Variants in FOXM1 observed in about 807,000 individuals in gnomAD.
The protein encoded by FOXM1 is forkhead box protein M1.
Under a neutral mutation model 63.6 loss-of-function variants are expected in FOXM1, and 25 were observed. The observed-to-expected ratio is 0.39, with a 90% CI of 0.29 to 0.55. FOXM1 has a LOEUF of 0.55. FOXM1 is among the 20% of genes least tolerant of loss of function. The probability of loss-of-function intolerance (pLI) is 0.60; values close to 1 mark genes in which losing one functional copy is unlikely to be tolerated. For synonymous variants in FOXM1, 387 were observed against 376.9 expected, an observed-to-expected ratio of 1.03 and a Z score of -0.31; for missense variants, 879 against 958.7, an observed-to-expected ratio of 0.92 and a Z score of 1.10.
rs571905976 is a variant in FOXM1, at chr12:2,872,198, G to A, written c.552C>T (p.Ile184=). ...GCTINNSLSN[I]QWLRKMSSDG... ...CAGAACTCATCTTTCGAAGCCACTGGATGTTGGATAGGCTATTGTTGATAG... is the reference window on the plus strand; with the variant it reads ...CAGAACTCATCTTTCGAAGCCACTGAATGTTGGATAGGCTATTGTTGATAG... The change falls in exon 3 of 9, where the codon ATC becomes ATT. Residue 184 remains isoleucine, a synonymous_variant. Transcript: ENST00000359843. The surrounding 1 kb of genome is among the most constrained non-coding windows in gnomAD (Gnocchi z 4.0). 1.2e-6 allele frequency: 2 copies of A among 1,614,158 alleles called. No homozygotes were observed. The highest frequency in any genetic ancestry group is 2.2e-5 in the South Asian group (2 of 91,078).
Position 2,858,443 on chromosome 12 carries a change from T to A in FOXM1, c.*195A>T. 1.8e-6 allele frequency: 1 copy of A among 560,770 alleles called. No individual in the cohort carries two copies. Among genetic ancestry groups the A allele is most frequent in the South Asian group, 2.5e-5 (1 of 39,278 alleles). The allele number at this position is 560,770 out of a possible 1,614,324, so 34.7% of individuals were successfully genotyped here. On this transcript the variant is annotated 3_prime_UTR_variant, in exon 9 of 9. Coordinates refer to ENST00000359843, the MANE Select transcript of FOXM1 (RefSeq NM_021953.4). ...GCTCCTGGCAGGGACAGCAGAGGAA[T>A]CAGATACTCTTGGGGAACACAAGGT...
intron 8 of FOXM1, among the ~76,000 whole-genome samples, chr12:2,862,699 TAAA>T (rs752051408): frequency 6.9e-6 from 1 of 144,252 alleles, no homozygotes. Context: ...CCTGGCTAAT[TAAA>T]AAAAAATTTT....
intron 8 of FOXM1, among the ~76,000 whole-genome samples, chr12:2,860,503 G>T (rs373700183): frequency 6.6e-6 from 1 of 152,002 alleles, no homozygotes; most frequent in East Asian, 1.9e-4. Flanking sequence ...GAAAAGAAAG[G>T]AAAGTAAAGA....
chr12:2,869,736 G>A (rs950735317), intron 3 of FOXM1, among the ~76,000 whole-genome samples: 3 of 141,890 alleles, frequency 2.1e-5, no homozygotes, highest in Non-Finnish European at 4.5e-5. Context: ...TGCGCCTGGC[G>A]ATTTTTTTTT....
Position 2,864,827 on chromosome 12 carries a change from C to T in FOXM1, c.1021-75G>A, listed in dbSNP as rs139551994. The T allele has an allele frequency of 9.3e-6, 14 of 1,497,818 alleles. No homozygotes were observed. The African/African-American group carries it at 1.5e-4, about 16-fold the overall frequency. 92.8% of individuals were successfully genotyped at this position (1,497,818 alleles called of 1,614,324 possible). On this transcript the variant is annotated intron_variant, in intron 6 of 8. Coordinates refer to ENST00000359843, the MANE Select transcript of FOXM1 (RefSeq NM_021953.4). The surrounding 1 kb of genome is among the most constrained non-coding windows in gnomAD (Gnocchi z 5.1). The stretch of plus-strand genomic sequence containing the variant: ...GTAAAGAGGGGATGGCAAAACCCCA[C>T]CAGCTGCTCTGGTGGTGTGTGCTTG...
At position 2,874,093 on chromosome 12, in the gene FOXM1, T is replaced by C; in HGVS notation, c.386A>G (p.Tyr129Cys). The C allele has an allele frequency of 2.5e-6, 4 of 1,614,220 alleles. No individual in the cohort carries two copies. Among genetic ancestry groups the C allele is most frequent in the South Asian group, 2.2e-5 (2 of 91,086 alleles). The change falls in exon 2 of 9, where the codon TAT (tyrosine) becomes TGT (cysteine). Residue 129 changes from tyrosine (Y) to cysteine (C), a missense_variant. Tyr to Cys is a radical substitution (Grantham distance 194). Around this residue, in one of 4 missense-constraint regions of FOXM1, gnomAD observed 255 missense variants for 292.4 expected, o/e 0.87. Transcript: ENST00000359843. The surrounding 1 kb of genome is among the most constrained non-coding windows in gnomAD (Gnocchi z 4.3). ...PGLRPQTQTS[Y>C]DAKRTEVTLE... is the part of the protein sequence containing the mutation. ...GGTCACTTCTGTCCTTTTGGCATCATAGCTGGTTTGGGTTTGAGGCCGGAG... is the reference window on the plus strand; with the variant it reads ...GGTCACTTCTGTCCTTTTGGCATCACAGCTGGTTTGGGTTTGAGGCCGGAG...
Position 2,858,567 on chromosome 12 carries a change from GCTTGGGGTGCACTGAGC to G in FOXM1, c.*54_*70del. 1 of 1,361,446 alleles carries G rather than the reference GCTTGGGGTGCACTGAGC, an allele frequency of 7.3e-7. No individual in the cohort carries two copies. Among genetic ancestry groups the G allele is most frequent in the East Asian group, 2.3e-5 (1 of 43,030 alleles). 84.3% of individuals were successfully genotyped at this position (1,361,446 alleles called of 1,614,324 possible). A position where few individuals can be genotyped will look rare whatever the true frequency, so the allele number is the denominator to read the frequency against. ...CCCTGCCTGCTGTCCTCACTCAGAG[GCTTGGGGTGCACTGAGC>G]CTTGGAGTGCCCGGGATGGTGGACA... is the stretch of plus-strand genomic sequence containing the variant. On this transcript the variant is annotated 3_prime_UTR_variant, in exon 9 of 9. Transcript: ENST00000359843.
At position 2,874,247 on chromosome 12, in the gene FOXM1, T is replaced by C. The variant is rs200595908; in HGVS notation, c.232A>G (p.Ile78Val). 2 of 1,614,186 alleles carry C rather than the reference T, an allele frequency of 1.2e-6. No homozygotes were observed. Among genetic ancestry groups the C allele is most frequent in the African/African-American group, 2.7e-5 (2 of 75,058 alleles). Residue 78 changes from isoleucine (I) to valine (V), a missense_variant, in exon 2 of 9, where the codon ATC becomes GTC. Physicochemically the swap from Ile to Val is conservative, Grantham distance 29. Coordinates refer to ENST00000359843, the MANE Select transcript of FOXM1 (RefSeq NM_021953.4). The surrounding 1 kb of genome is among the most constrained non-coding windows in gnomAD (Gnocchi z 4.3). ...PTMPNTQVVAIPNNANIHSII... is the reference protein window; with the variant it reads ...PTMPNTQVVAVPNNANIHSII... ...CTGTGAATATTAGCATTGTTGGGGA[T>C]GGCCACTACTTGCGTGTTGGGCATG...
chr12:2,861,497 G>T, intron 8 of FOXM1: 1 of 431,152 alleles, frequency 2.3e-6, no homozygotes, highest in Non-Finnish European at 4.0e-6. Context: ...TAGATTGGCA[G>T]ATATTAAACA....
At position 2,864,889 on chromosome 12, in the gene FOXM1, G is replaced by A. The variant is rs2098120351; in HGVS notation, c.1021-137C>T. 5.6e-6 allele frequency: 5 copies of A among 898,112 alleles called. No homozygotes were observed. The highest frequency in any genetic ancestry group is 3.7e-5 in the Admixed American group (2 of 54,020). 55.6% of individuals were successfully genotyped at this position (898,112 alleles called of 1,614,324 possible). A position where few individuals can be genotyped will look rare whatever the true frequency, so the allele number is the denominator to read the frequency against. Reference sequence around the variant, plus strand: ...GCCCAGAGAGAGGAGGCCAACCTGAGGGGATGGACGTAGGCGAGCAGTCTC... The same window carrying A: ...GCCCAGAGAGAGGAGGCCAACCTGAAGGGATGGACGTAGGCGAGCAGTCTC... On this transcript the variant is annotated intron_variant, in intron 6 of 8. Coordinates refer to ENST00000359843, the MANE Select transcript of FOXM1 (RefSeq NM_021953.4). This position sits in a 1 kb window ranked among gnomAD's most constrained non-coding sequence, Gnocchi z 5.1.
Position 2,872,439 on chromosome 12 carries a change from G to A in FOXM1, c.503-192C>T, listed in dbSNP as rs2098134799. 1.3e-5 allele frequency among the ~76,000 whole-genome samples: 2 copies of A among 151,958 alleles called. No homozygotes were observed. The highest frequency in any genetic ancestry group is 2.1e-4 in the South Asian group (1 of 4,826). On this transcript the variant is annotated intron_variant, in intron 2 of 8. Coordinates refer to ENST00000359843, the MANE Select transcript of FOXM1 (RefSeq NM_021953.4). The surrounding 1 kb of genome is among the most constrained non-coding windows in gnomAD (Gnocchi z 4.0). ...AGCCTGGCCAACATGGTGAAACCTC[G>A]TCTCTACTAAAAATACAAAATTAGC...
rs756946538 is a variant in FOXM1 at position 2,858,716 on chromosome 12, G to A, written c.2214C>T (p.Ile738=). Reference sequence around the variant, plus strand: ...GGTCCTCGTCCAGGCCAGGAAAGCTGATGTCCAGCAGGATCTTGCTGAGGC... The same window carrying A: ...GGTCCTCGTCCAGGCCAGGAAAGCTAATGTCCAGCAGGATCTTGCTGAGGC... The part of the protein sequence containing the change: ...NDSLSKILLD[I]SFPGLDEDPL... Residue 738 remains isoleucine, a synonymous_variant, in exon 9 of 9, where the codon ATC becomes ATT. Transcript: ENST00000359843. 3.8e-5 allele frequency: 61 copies of A among 1,614,106 alleles called. No homozygotes were observed. The highest frequency in any genetic ancestry group is 4.6e-5 in the Non-Finnish European group (54 of 1,180,048).
Position 2,864,852 on chromosome 12 carries a change from G to T in FOXM1, c.1021-100C>A. 7.4e-7 allele frequency: 1 copy of T among 1,343,682 alleles called. No homozygotes were observed. The allele number at this position is 1,343,682 out of a possible 1,614,324, so 83.2% of individuals were successfully genotyped here. A position where few individuals can be genotyped will look rare whatever the true frequency, so the allele number is the denominator to read the frequency against. On this transcript the variant is annotated intron_variant, in intron 6 of 8. Coordinates refer to ENST00000359843, the MANE Select transcript of FOXM1 (RefSeq NM_021953.4). This position sits in a 1 kb window ranked among gnomAD's most constrained non-coding sequence, Gnocchi z 5.1. ...CCAGCTGCTCTGGTGGTGTGTGCTT[G>T]AGTTAATGACAGCCCAGAGAGAGGA...
intron 2 of FOXM1, 81 bp downstream of exon 2, chr12:2,873,896 A>AAGGTT: frequency 6.9e-7 from 1 of 1,446,730 alleles, no homozygotes; most frequent in South Asian, 1.3e-5. Flanking sequence ...GACTGTTGTA[A>AAGGTT]GCATCAAGAC....
Position 2,858,584 on chromosome 12 carries a change from C to T in FOXM1, c.*54G>A. 1 of 1,521,386 alleles carries T rather than the reference C, an allele frequency of 6.6e-7. No individual in the cohort carries two copies. Among genetic ancestry groups the T allele is most frequent in the Non-Finnish European group, 9.0e-7 (1 of 1,115,216 alleles). The allele number at this position is 1,521,386 out of a possible 1,614,324, so 94.2% of individuals were successfully genotyped here. A position where few individuals can be genotyped will look rare whatever the true frequency, so the allele number is the denominator to read the frequency against. On this transcript the variant is annotated 3_prime_UTR_variant, in exon 9 of 9. Coordinates refer to ENST00000359843, the MANE Select transcript of FOXM1 (RefSeq NM_021953.4). Reference sequence around the variant, plus strand: ...ACTCAGAGGCTTGGGGTGCACTGAGCCTTGGAGTGCCCGGGATGGTGGACA... The same window carrying T: ...ACTCAGAGGCTTGGGGTGCACTGAGTCTTGGAGTGCCCGGGATGGTGGACA...
Position 2,867,909 on chromosome 12 carries a change from C to T in FOXM1, c.846+654G>A, listed in dbSNP as rs966121980. Among the ~76,000 whole-genome samples the T allele has an allele frequency of 4.4e-5, 6 of 137,166 alleles. No homozygotes were observed. In the South Asian group the frequency reaches 9.6e-4, roughly 22 times the overall value. 90.0% of individuals were successfully genotyped at this position (137,166 alleles called of 152,430 possible). A position where few individuals can be genotyped will look rare whatever the true frequency, so the allele number is the denominator to read the frequency against. ...AGGAGAATCGCTTGAACCTTGGAGG[C>T]GGAGGAGGTTGCAGTGACCTGAGAT... is the stretch of plus-strand genomic sequence containing the variant. On this transcript the variant is annotated intron_variant, in intron 4 of 8. Coordinates refer to ENST00000359843, the MANE Select transcript of FOXM1 (RefSeq NM_021953.4).
chr12:2,859,910 C>A, intron 8 of FOXM1: 1 of 476,128 alleles, frequency 2.1e-6, no homozygotes. Context: ...TTGTCTTACA[C>A]TGTATACAAA....
At chr12:2,871,290 T>TG (rs1355541773) in intron 3 of FOXM1, among the ~76,000 whole-genome samples, 1 of 151,958 alleles carries the variant, frequency 6.6e-6, no homozygotes, top group Non-Finnish European at 1.5e-5. Context: ...TTGGTAACTG[T>TG]GGGAAAAAAA....
At chr12:2,861,834 T>C (rs2098114039) in intron 8 of FOXM1, among the ~76,000 whole-genome samples, 1 of 152,076 alleles carries the variant, frequency 6.6e-6, no homozygotes, top group Non-Finnish European at 1.5e-5. Context: ...AAATAATGAA[T>C]TAGGACTATG....
Sources: gnomAD v4.1 joint callset for allele counts (sites outside exome capture counted in the v4.1 genomes callset) on GRCh38, gnomAD v4.1.1 for gene constraint, gnomAD v4.1.1 regional missense constraint, Gnocchi (gnomAD v3.1) non-coding constraint, MANE v1.5 for transcripts, NCBI Gene and HGNC (gene_info 2026-07-23, HGNC 2026-07-21) for gene names.